The following PEAK1 variants were observed in gnomAD, a reference collection of about 807,000 sequenced individuals.
The protein encoded by PEAK1 is pseudopodium enriched atypical kinase 1.
PEAK1 carries 54 observed loss-of-function variants against 124.7 expected under a neutral mutation model. That is an observed-to-expected ratio of 0.43 (90% CI 0.35 to 0.54). The LOEUF (loss-of-function observed/expected upper bound fraction) is 0.54. Among genes scored for constraint, PEAK1 ranks in the 20% least tolerant of loss-of-function variants. PEAK1 has a pLI of 0.01. For synonymous variants in PEAK1, 719 were observed against 760.0 expected, an observed-to-expected ratio of 0.95 and a Z score of 0.89; for missense variants, 2,046 against 2,134.5, an observed-to-expected ratio of 0.96 and a Z score of 0.82.
chr15:77,350,812 A>G (rs973175611), intron 2 of PEAK1: 3 of 976,954 alleles, frequency 3.1e-6, no homozygotes, highest in Non-Finnish European at 3.6e-6. Context: ...ATTATCTAAA[A>G]TTGATAATTT....
chr15:77,127,810 T>C (rs776288773), intron 9 of PEAK1, among the ~76,000 whole-genome samples: 9 of 152,208 alleles, frequency 5.9e-5, no homozygotes, highest in Non-Finnish European at 1.3e-4. Flanking sequence ...CCAGGCGTTG[T>C]GGCTCATGCC....
At position 77,252,354 on chromosome 15, in the gene PEAK1, G is replaced by A; in HGVS notation, c.-115+13C>T. On this transcript the variant is annotated intron_variant, in intron 6 of 9. Coordinates refer to ENST00000682557, the MANE Select transcript of PEAK1 (RefSeq NM_001385026.1). ...TTGGTGGAAATGTAACATGTTAGGA[G>A]AATTCTGCTTACTATTTAAATCTGA... 1 of 983,338 alleles carries A rather than the reference G, an allele frequency of 1.0e-6. No individual in the cohort carries two copies. Among genetic ancestry groups the A allele is most frequent in the Non-Finnish European group, 1.2e-6 (1 of 828,120 alleles). The allele number at this position is 983,338 out of a possible 1,614,324, so 60.9% of individuals were successfully genotyped here.
chr15:77,167,172 T>C (rs1330360148), intron 7 of PEAK1, among the ~76,000 whole-genome samples: 1 of 152,194 alleles, frequency 6.6e-6, no homozygotes, highest in Non-Finnish European at 1.5e-5. Context: ...AGAAGTGATA[T>C]AAGCAGGAAA....
chr15:77,237,535 G>T (rs975879215), intron 6 of PEAK1, among the ~76,000 whole-genome samples: 5 of 146,340 alleles, frequency 3.4e-5, no homozygotes, highest in Non-Finnish European at 7.5e-5. Context: ...TTTAATATTT[G>T]ATCAATTTTT....
intron 6 of PEAK1, among the ~76,000 whole-genome samples, chr15:77,242,761 T>C (rs2060415242): frequency 1.3e-5 from 2 of 152,288 alleles, no homozygotes; most frequent in South Asian, 4.1e-4. Flanking sequence ...ATGGAAAATT[T>C]TGTCAAATTC....
rs553611393 is a variant in PEAK1 at position 77,381,583 on chromosome 15, T to A, written c.-665-16358A>T. On this transcript the variant is annotated intron_variant, in intron 1 of 9. Transcript: ENST00000682557. ...GTTCACTTGTAAGGCATAGAGTCATTTTTATCCATCCAGGTTACAGAGTGC... is the reference window on the plus strand; with the variant it reads ...GTTCACTTGTAAGGCATAGAGTCATATTTATCCATCCAGGTTACAGAGTGC... 1.1e-5 allele frequency: 6 copies of A among 534,004 alleles called. No individual in the cohort carries two copies. The East Asian group carries it at 7.4e-4, about 65-fold the overall frequency. The allele number at this position is 534,004 out of a possible 1,614,324, so 33.1% of individuals were successfully genotyped here.
intron 2 of PEAK1, among the ~76,000 whole-genome samples, chr15:77,359,754 T>C (rs980101810): frequency 1.6e-4 from 25 of 152,216 alleles, no homozygotes; most frequent in African/African-American, 4.8e-4. Context: ...AGACATACAC[T>C]GAAAACTATA....
intron 2 of PEAK1, among the ~76,000 whole-genome samples, chr15:77,342,408 T>C (rs925279005): frequency 1.4e-5 from 2 of 142,206 alleles, no homozygotes; most frequent in African/African-American, 5.4e-5. Flanking sequence ...AGCATGTCTT[T>C]TTTTTTTTTT....
At chr15:77,337,910 A>C in intron 2 of PEAK1, 1 of 984,914 alleles carries the variant, frequency 1.0e-6, no homozygotes, top group Non-Finnish European at 1.2e-6. Context: ...ATTACAGCTA[A>C]ATCTGTCAAT....
chr15:77,365,108 C>A (rs892102043), intron 2 of PEAK1, 55 bp downstream of exon 2: 5 of 688,240 alleles, frequency 7.3e-6, no homozygotes, highest in South Asian at 6.6e-5. Flanking sequence ...AAAAACAATT[C>A]TTTCTCATTA....
chr15:77,292,910 C>G (rs1328551379), intron 2 of PEAK1, among the ~76,000 whole-genome samples: 2 of 152,050 alleles, frequency 1.3e-5, no homozygotes, highest in Admixed American at 1.3e-4. Flanking sequence ...TCTTATGATC[C>G]AGTTCTATAT....
At chr15:77,383,613 C>T (rs2069672380) in intron 1 of PEAK1, among the ~76,000 whole-genome samples, 1 of 152,124 alleles carries the variant, frequency 6.6e-6, no homozygotes, top group African/African-American at 2.4e-5. Context: ...CTACCCAAGG[C>T]TATACTCAGT....
intron 1 of PEAK1, among the ~76,000 whole-genome samples, chr15:77,392,565 A>G (rs996352758): frequency 6.6e-6 from 1 of 152,196 alleles, no homozygotes; most frequent in Non-Finnish European, 1.5e-5. Flanking sequence ...ACATTCATCT[A>G]TTCCTACATC....
rs187837503 is a variant in PEAK1, at chr15:77,297,585, C to T, written c.-602-11081G>A. 1.1e-3 allele frequency among the ~76,000 whole-genome samples: 160 copies of T among 151,616 alleles called. 3 individuals carry two copies. Among genetic ancestry groups the T allele is most frequent in the African/African-American group, 3.7e-3 (152 of 41,028 alleles). ...GTAAGCATGTGAAATCTGGTGAAAC[C>T]TCATTTCTACTAAAAATACAAAAAT... On this transcript the variant is annotated intron_variant, in intron 2 of 9. Coordinates refer to ENST00000682557, the MANE Select transcript of PEAK1 (RefSeq NM_001385026.1).
intron 1 of PEAK1, among the ~76,000 whole-genome samples, chr15:77,390,781 C>T (rs1212426496): frequency 2.6e-5 from 4 of 152,182 alleles, no homozygotes; most frequent in African/African-American, 9.6e-5. Context: ...TGCTGAAGAT[C>T]ACAAATAAGG....
chr15:77,129,129 T>TGCACTCTCTTCCTTCCTCTCTCCCTC (rs1194757405), intron 9 of PEAK1, among the ~76,000 whole-genome samples: 1 of 152,198 alleles, frequency 6.6e-6, no homozygotes, highest in Non-Finnish European at 1.5e-5. Context: ...GCCTCTCCCT[T>TGCACTCTCTTCCTTCCTCTCTCCCTC]GCACTCTCTT....
intron 2 of PEAK1, among the ~76,000 whole-genome samples, chr15:77,312,017 A>T (rs1243241701): frequency 6.6e-6 from 1 of 152,156 alleles, no homozygotes; most frequent in African/African-American, 2.4e-5. Context: ...AGTTGTATGA[A>T]TCATGTGAGA....
At chr15:77,183,680 A>T (rs1365963383) in intron 6 of PEAK1, among the ~76,000 whole-genome samples, 2 of 152,180 alleles carry the variant, frequency 1.3e-5, no homozygotes, top group African/African-American at 4.8e-5. Flanking sequence ...GACAAACCCC[A>T]GAGTAGGAGA....
chr15:77,234,811 A>AT (rs1567147862), intron 6 of PEAK1, among the ~76,000 whole-genome samples: 3 of 151,948 alleles, frequency 2.0e-5, no homozygotes, highest in African/African-American at 4.8e-5. Flanking sequence ...AATTAAAAAA[A>AT]AATATATATA....
Sources: allele counts gnomAD v4.1 joint callset (sites outside exome capture counted in the v4.1 genomes callset), GRCh38; gene constraint gnomAD v4.1.1; transcripts MANE v1.5; gene names NCBI Gene and HGNC (gene_info 2026-07-23, HGNC 2026-07-21).